The following SLC44A5 variants were observed in gnomAD, a reference collection of about 807,000 sequenced individuals.
SLC44A5 encodes solute carrier family 44 member 5, also known as choline transporter-like protein 5.
Under a neutral mutation model 101.8 loss-of-function variants are expected in SLC44A5, and 57 were observed. That is an observed-to-expected ratio of 0.56 (90% CI 0.45 to 0.70). The LOEUF (loss-of-function observed/expected upper bound fraction) is 0.70. Ranked by LOEUF, SLC44A5 falls within the 30% of genes least tolerant of loss-of-function variation. SLC44A5 has a pLI of 0.00. For synonymous variants in SLC44A5, 281 were observed against 290.9 expected (o/e 0.97, Z 0.35); for missense variants, 737 against 853.1 (o/e 0.86, Z 1.70).
intron 3 of SLC44A5, among the ~76,000 whole-genome samples, chr1:75,391,204 T>G (rs1011410878): frequency 2.6e-5 from 4 of 151,712 alleles, no homozygotes; most frequent in Admixed American, 2.0e-4. Flanking sequence ...GATGACACAA[T>G]CAAATGAAAA....
At chr1:75,529,092 C>T (rs1175809841) in intron 2 of SLC44A5, among the ~76,000 whole-genome samples, 3 of 152,272 alleles carry the variant, frequency 2.0e-5, no homozygotes, top group African/African-American at 7.2e-5. Flanking sequence ...AAATATTTAT[C>T]ATTTTTGCCA....
In SLC44A5 at chr1:75,253,788, T is replaced by C. The variant is rs190572593; in HGVS notation, c.261-2494A>G. Reference sequence around the variant, plus strand: ...TAAACTCAAGTTATTCACCAGATTATATTATCCTCAAGGGTAAGGTTTATA... The same window carrying C: ...TAAACTCAAGTTATTCACCAGATTACATTATCCTCAAGGGTAAGGTTTATA... On this transcript the variant is annotated intron_variant, in intron 6 of 23. Coordinates refer to ENST00000370859, the MANE Select transcript of SLC44A5 (RefSeq NM_001130058.2). Among the ~76,000 whole-genome samples, 6 of 152,296 alleles carry C rather than the reference T, an allele frequency of 3.9e-5. No individual in the cohort carries two copies. The East Asian group carries it at 1.2e-3, about 29-fold the overall frequency.
the SLC44A5 span, among the ~76,000 whole-genome samples, chr1:75,618,523 C>T: frequency 6.6e-6 from 1 of 152,148 alleles, no homozygotes; most frequent in Non-Finnish European, 1.5e-5. Flanking sequence ...TATAAATATA[C>T]AGTCATGCAT....
At chr1:75,485,608 G>T (rs1179605395) in intron 2 of SLC44A5, among the ~76,000 whole-genome samples, 1 of 152,068 alleles carries the variant, frequency 6.6e-6, no homozygotes, top group Non-Finnish European at 1.5e-5. Context: ...TCCAACCTCT[G>T]CCTGCTTCCC....
At chr1:75,560,689 C>A (rs1278616174) in intron 1 of SLC44A5, among the ~76,000 whole-genome samples, 1 of 152,124 alleles carries the variant, frequency 6.6e-6, no homozygotes, top group Non-Finnish European at 1.5e-5. Flanking sequence ...GGTCCTTTGC[C>A]TCCCTGTGCC....
intron 5 of SLC44A5, among the ~76,000 whole-genome samples, chr1:75,299,135 ATTTAT>A (rs1163352619): frequency 2.0e-5 from 3 of 152,194 alleles, no homozygotes; most frequent in Non-Finnish European, 4.4e-5. Context: ...GTGTAAGAAA[ATTTAT>A]TTTATTATAA....
intron 4 of SLC44A5, among the ~76,000 whole-genome samples, chr1:75,329,133 T>A (rs1700893): frequency 0.43 from 65,396 of 152,002 alleles, 15,069 homozygotes; most frequent in East Asian, 0.82. Context: ...AAAGGAAGAG[T>A]TAAAAATAAG....
chr1:75,707,381 T>C, the SLC44A5 span, among the ~76,000 whole-genome samples: 2 of 152,198 alleles, frequency 1.3e-5, no homozygotes, highest in Non-Finnish European at 2.9e-5. Context: ...CACATTTTTT[T>C]CCCTCCTTTC....
At chr1:75,680,203 C>T in the SLC44A5 span, among the ~76,000 whole-genome samples, 11,884 of 151,666 alleles carry the variant, frequency 0.078, 1,543 homozygotes, top group African/African-American at 0.27. Context: ...GACAGATCAA[C>T]GAGACAGAAA....
At chr1:75,205,865 G>T (rs1184835420) in intron 23 of SLC44A5, 2 of 152,158 alleles carry the variant, frequency 1.3e-5, no homozygotes, top group African/African-American at 4.8e-5. Flanking sequence ...CATGAGTTAT[G>T]TAACAATTTC....
intron 1 of SLC44A5, among the ~76,000 whole-genome samples, chr1:75,564,744 C>T (rs1422937033): frequency 2.6e-5 from 4 of 151,974 alleles, no homozygotes; most frequent in Non-Finnish European, 5.9e-5. Context: ...CTAAGCCTCC[C>T]AAGTAGCTGG....
chr1:75,209,699 G>T (rs1646816337), intron 23 of SLC44A5, among the ~76,000 whole-genome samples: 2 of 152,246 alleles, frequency 1.3e-5, no homozygotes, highest in East Asian at 1.9e-4. Context: ...TTTCCAGGAG[G>T]TTTTCTTTGA....
chr1:75,326,634 A>C (rs1010717679), intron 4 of SLC44A5, among the ~76,000 whole-genome samples: 4 of 152,196 alleles, frequency 2.6e-5, no homozygotes, highest in Admixed American at 1.3e-4. Flanking sequence ...TCATAAATTC[A>C]GCACTTATAT....
intron 5 of SLC44A5, among the ~76,000 whole-genome samples, chr1:75,288,645 T>C (rs1653265967): frequency 6.6e-6 from 1 of 152,208 alleles, no homozygotes; most frequent in Non-Finnish European, 1.5e-5. Flanking sequence ...TGTATTCTCT[T>C]AAGCTCAACC....
At chr1:75,408,157 A>G (rs2101488082) in intron 2 of SLC44A5, among the ~76,000 whole-genome samples, 1 of 152,352 alleles carries the variant, frequency 6.6e-6, no homozygotes, top group East Asian at 1.9e-4. Context: ...TTAAAACCAC[A>G]ATGAGATACC....
chr1:75,342,393 A>C (rs1285525171), intron 3 of SLC44A5, among the ~76,000 whole-genome samples: 1 of 152,168 alleles, frequency 6.6e-6, no homozygotes, highest in African/African-American at 2.4e-5. Context: ...TGTTTCTAAA[A>C]ATTCATGCCA....
intron 23 of SLC44A5, 130 bp from the exon 24 acceptor site, chr1:75,203,963 T>C (rs1357656246): frequency 8.6e-7 from 1 of 1,159,388 alleles, no homozygotes; most frequent in Non-Finnish European, 1.1e-6. Flanking sequence ...TGTTGTTTTT[T>C]AAACAGCATA....
intron 2 of SLC44A5, among the ~76,000 whole-genome samples, chr1:75,527,163 A>AAGAAG (rs1266010487): frequency 6.6e-6 from 1 of 151,414 alleles, no homozygotes; most frequent in East Asian, 1.9e-4. Context: ...AAGAAAAGAA[A>AAGAAG]AGAAAAAGAA....
Position 75,218,603 on chromosome 1 carries a change from A to C in SLC44A5, c.1416T>G (p.Ile472Met). The change falls in exon 17 of 24, where the codon ATT (isoleucine) becomes ATG (methionine). Residue 472 changes from isoleucine (I) to methionine (M), a missense_variant. Transcript: ENST00000370859. ...FVFLWLINFV[I>M]ALGQCALAGA... Reference sequence around the variant, plus strand: ...CAGCAAGGGCGCACTGACCTAATGCAATGACGAAGTTTATAAGCCAGAGAA... The same window carrying C: ...CAGCAAGGGCGCACTGACCTAATGCCATGACGAAGTTTATAAGCCAGAGAA... The C allele has an allele frequency of 6.2e-7, 1 of 1,613,920 alleles. No homozygotes were observed. The highest frequency in any genetic ancestry group is 1.1e-5 in the South Asian group (1 of 91,084).
Sources: allele counts gnomAD v4.1 joint callset (sites outside exome capture counted in the v4.1 genomes callset), GRCh38; gene constraint gnomAD v4.1.1; transcripts MANE v1.5; gene names NCBI Gene and HGNC (gene_info 2026-07-23, HGNC 2026-07-21).